Variants in SLC4A3 observed in about 807,000 individuals in gnomAD.
SLC4A3 encodes solute carrier family 4 member 3.
SLC4A3 carries 47 observed loss-of-function variants against 114.2 expected under a neutral mutation model. The observed-to-expected ratio is 0.41, with a 90% CI of 0.33 to 0.52. SLC4A3 has a LOEUF of 0.52. Ranked by LOEUF, SLC4A3 falls within the 20% of genes least tolerant of loss-of-function variation. SLC4A3 has a pLI of 0.21. For synonymous variants in SLC4A3, 693 were observed against 710.3 expected, an observed-to-expected ratio of 0.98 and a Z score of 0.39; for missense variants, 1,312 against 1,668.3, an observed-to-expected ratio of 0.79 and a Z score of 3.72.
Position 219,637,795 on chromosome 2 carries a change from G to A in SLC4A3, c.2750G>A (p.Arg917His), listed in dbSNP as rs1559204655. The A allele has an allele frequency of 3.1e-6, 5 of 1,613,018 alleles. No individual in the cohort carries two copies. Among genetic ancestry groups the A allele is most frequent in the Non-Finnish European group, 2.5e-6 (3 of 1,179,036 alleles). Residue 917 changes from arginine to histidine, a missense_variant, in exon 17 of 23, where the codon CGC becomes CAC. This residue lies in a region of SLC4A3 where 301 missense variants were observed against 460.7 expected (regional missense o/e 0.65). Coordinates refer to ENST00000358055, the MANE Select transcript of SLC4A3 (RefSeq NM_005070.4). This position sits in a 1 kb window ranked among gnomAD's most constrained non-coding sequence, Gnocchi z 4.6. ...TTCCTGCGCAAGTTCAGGAACAGCC[G>A]CTTCCTGGGGGGCAAGGTGCGTGGC... Reference protein sequence around the residue: ...AFFLRKFRNSRFLGGKARRII... With the variant: ...AFFLRKFRNSHFLGGKARRII...
At position 219,630,400 on chromosome 2, in the gene SLC4A3, C is replaced by G. The variant is rs1203401076; in HGVS notation, c.811+48C>G. 2 of 1,543,414 alleles carry G rather than the reference C, an allele frequency of 1.3e-6. No homozygotes were observed. Among genetic ancestry groups the G allele is most frequent in the African/African-American group, 1.4e-5 (1 of 73,712 alleles). On this transcript the variant is annotated intron_variant, in intron 6 of 22. Coordinates refer to ENST00000358055, the MANE Select transcript of SLC4A3 (RefSeq NM_005070.4). This position sits in a 1 kb window ranked among gnomAD's most constrained non-coding sequence, Gnocchi z 6.9. ...CCCCATGGTCCACTGCGACGGACTC[C>G]CAGCCTGCGAGTGACCTTGGAGAGG...
intron 10 of SLC4A3, 149 bp from the exon 11 acceptor site, chr2:219,633,730 TG>T: frequency 8.0e-7 from 1 of 1,249,046 alleles, no homozygotes; most frequent in Admixed American, 2.7e-5. Context: ...ACATCCCAGC[TG>T]GTGGCTCCCA....
rs1574643436 is a variant in SLC4A3, at chr2:219,628,848, T to G, written c.217+278T>G. 1.7e-6 allele frequency: 1 copy of G among 580,288 alleles called. No individual in the cohort carries two copies. Among genetic ancestry groups the G allele is most frequent in the Non-Finnish European group, 3.0e-6 (1 of 332,414 alleles). 35.9% of individuals were successfully genotyped at this position (580,288 alleles called of 1,614,324 possible). On this transcript the variant is annotated intron_variant, in intron 3 of 22. Coordinates refer to ENST00000358055, the MANE Select transcript of SLC4A3 (RefSeq NM_005070.4). The surrounding 1 kb of genome is among the most constrained non-coding windows in gnomAD (Gnocchi z 4.8). ...CCTTCCCCTTCCCCTTCGTCCCCAC[T>G]CACTCCCTCCTTGTCCCACCTCGGC...
chr2:219,638,015 C>A lies in SLC4A3; in HGVS notation c.2767-149C>A. 1.4e-6 allele frequency: 1 copy of A among 726,436 alleles called. No individual in the cohort carries two copies. The highest frequency in any genetic ancestry group is 2.4e-6 in the Non-Finnish European group (1 of 418,764). The allele number at this position is 726,436 out of a possible 1,614,324, so 45.0% of individuals were successfully genotyped here. A position where few individuals can be genotyped will look rare whatever the true frequency, so the allele number is the denominator to read the frequency against. On this transcript the variant is annotated intron_variant, in intron 17 of 22. Transcript: ENST00000358055. This position sits in a 1 kb window ranked among gnomAD's most constrained non-coding sequence, Gnocchi z 7.5. Reference sequence around the variant, plus strand: ...CTAATCAAGACAACAGCCTCCCAGGCTGCGCTGGCACCTGTGGGGTTGAGA... The same window carrying A: ...CTAATCAAGACAACAGCCTCCCAGGATGCGCTGGCACCTGTGGGGTTGAGA...
Position 219,629,263 on chromosome 2 carries a change from G to A in SLC4A3, c.337G>A (p.Glu113Lys). The change falls in exon 4 of 23, where the codon GAG becomes AAG. Residue 113 changes from glutamate (E) to lysine (K), a missense_variant. Glu to Lys is a moderately conservative substitution (Grantham distance 56). Transcript: ENST00000358055. ...ARHTRRKRKK[E>K]KTSAPPSEGT... is the part of the protein sequence containing the mutation. ...GCACACCAGGAGAAAGAGGAAGAAG[G>A]AGAAAACCTCTGCTCCTCCCTCCGA... 6.2e-7 allele frequency: 1 copy of A among 1,613,992 alleles called. No individual in the cohort carries two copies. Among genetic ancestry groups the A allele is most frequent in the Non-Finnish European group, 8.5e-7 (1 of 1,179,966 alleles).
chr2:219,638,080 C>A lies in SLC4A3; in HGVS notation c.2767-84C>A. On this transcript the variant is annotated intron_variant, in intron 17 of 22. Coordinates refer to ENST00000358055, the MANE Select transcript of SLC4A3 (RefSeq NM_005070.4). This position sits in a 1 kb window ranked among gnomAD's most constrained non-coding sequence, Gnocchi z 7.5. ...CTTCTGGCTCCAGCTTGGACCCAGG[C>A]AGGGCCAGAGATGGCAAGCCCCGTG... 8.6e-7 allele frequency: 1 copy of A among 1,159,988 alleles called. No individual in the cohort carries two copies. The allele number at this position is 1,159,988 out of a possible 1,614,324, so 71.9% of individuals were successfully genotyped here.
intron 11 of SLC4A3, 23 bp downstream of exon 11, chr2:219,634,002 G>A: frequency 6.5e-7 from 1 of 1,534,002 alleles, no homozygotes; most frequent in South Asian, 1.2e-5. Context: ...GGGCGCCGGG[G>A]GCAGGGTCTG....
At position 219,633,462 on chromosome 2, in the gene SLC4A3, G is replaced by T; in HGVS notation, c.1461+5G>T. 1 of 1,525,174 alleles carries T rather than the reference G, an allele frequency of 6.6e-7. No homozygotes were observed. Among genetic ancestry groups the T allele is most frequent in the Non-Finnish European group, 8.8e-7 (1 of 1,136,504 alleles). 94.5% of individuals were successfully genotyped at this position (1,525,174 alleles called of 1,614,324 possible). A position where few individuals can be genotyped will look rare whatever the true frequency, so the allele number is the denominator to read the frequency against. ...CATGACCCTGACGCCAAGGAGGTCA[G>T]TGCCCTTGCTTTGGCTTGGGCCAGG... On this transcript the variant is annotated splice_donor_5th_base_variant and intron_variant, in intron 10 of 22. Coordinates refer to ENST00000358055, the MANE Select transcript of SLC4A3 (RefSeq NM_005070.4).
rs1167535730 is a variant in SLC4A3 at position 219,641,962 on chromosome 2, T to C, written c.*234T>C. On this transcript the variant is annotated 3_prime_UTR_variant, in exon 23 of 23. Transcript: ENST00000358055. This position sits in a 1 kb window ranked among gnomAD's most constrained non-coding sequence, Gnocchi z 4.0. ...TTTGAGCTCATTATAACCACACTCC[T>C]TGTCTCGTGTCTGCCTCACTTTCTT... The C allele has an allele frequency of 4.5e-6, 2 of 447,248 alleles. No individual in the cohort carries two copies. Among genetic ancestry groups the C allele is most frequent in the South Asian group, 5.0e-5 (1 of 20,200 alleles). 27.7% of individuals were successfully genotyped at this position (447,248 alleles called of 1,614,324 possible).
Position 219,637,549 on chromosome 2 carries a change from A to G in SLC4A3, c.2536-32A>G. On this transcript the variant is annotated intron_variant, in intron 16 of 22. Transcript: ENST00000358055. This position sits in a 1 kb window ranked among gnomAD's most constrained non-coding sequence, Gnocchi z 4.6. ...ATGAAGTCAGGTCACCTGCCAGGTG[A>G]GTGACAAGGCATCCTTGTTATCCAC... The G allele has an allele frequency of 8.1e-7, 1 of 1,230,398 alleles. No individual in the cohort carries two copies. The highest frequency in any genetic ancestry group is 1.2e-6 in the Non-Finnish European group (1 of 862,356). 76.2% of individuals were successfully genotyped at this position (1,230,398 alleles called of 1,614,324 possible).
rs56140088 is a variant in SLC4A3, at chr2:219,633,523, C to T, written c.1461+66C>T. On this transcript the variant is annotated intron_variant, in intron 10 of 22. Coordinates refer to ENST00000358055, the MANE Select transcript of SLC4A3 (RefSeq NM_005070.4). ...GGTGTCCAGTTTCAGTCGAGGTCAT[C>T]GACGACTTCACTGAGTGGGTTGGGA... 2.6e-3 allele frequency: 3,499 copies of T among 1,366,702 alleles called. 11 individuals carry two copies. Among genetic ancestry groups the T allele is most frequent in the Non-Finnish European group, 3.3e-3 (3,336 of 1,023,996 alleles). The allele number at this position is 1,366,702 out of a possible 1,614,324, so 84.7% of individuals were successfully genotyped here.
At chr2:219,635,563 C>T in intron 13 of SLC4A3, 67 bp downstream of exon 13, 1 of 1,493,210 alleles carries the variant, frequency 6.7e-7, no homozygotes, top group South Asian at 1.2e-5. Context: ...AAGGCTGTGA[C>T]CCCAGCCCCG....
chr2:219,627,781 G>C (rs1157318844), intron 1 of SLC4A3, 36 bp downstream of exon 1: 13 of 396,910 alleles, frequency 3.3e-5, no homozygotes, highest in Non-Finnish European at 4.9e-5. Flanking sequence ...CAGGGCGGGG[G>C]ACCCGGGCTG....
In SLC4A3 at chr2:219,639,462, T is replaced by C; in HGVS notation, c.3024-20T>C. 1 of 1,607,152 alleles carries C rather than the reference T, an allele frequency of 6.2e-7. No individual in the cohort carries two copies. On this transcript the variant is annotated intron_variant, in intron 19 of 22. Transcript: ENST00000358055. The surrounding 1 kb of genome is among the most constrained non-coding windows in gnomAD (Gnocchi z 5.9). The stretch of plus-strand genomic sequence containing the variant: ...CCCTGCCAGGCCAGCCACACCCCGC[T>C]CCCCACCTTCTCCCTGCAGGCTTAT...
At chr2:219,633,814 G>A (rs1390844880) in intron 10 of SLC4A3, 66 bp from the exon 11 acceptor site, 4 of 1,547,726 alleles carry the variant, frequency 2.6e-6, no homozygotes, top group Non-Finnish European at 2.6e-6. Context: ...GCTGGAGCCA[G>A]GGCTGGGAGG....
Position 219,628,741 on chromosome 2 carries a change from C to T in SLC4A3, c.217+171C>T. The T allele has an allele frequency of 1.4e-6, 1 of 732,268 alleles. No individual in the cohort carries two copies. The highest frequency in any genetic ancestry group is 1.8e-5 in the African/African-American group (1 of 56,244). The allele number at this position is 732,268 out of a possible 1,614,324, so 45.4% of individuals were successfully genotyped here. The stretch of plus-strand genomic sequence containing the variant: ...GTTCAGTCATCCTGCCTCCCCCACC[C>T]ATCGCCTGTCCGCCTGCCTGGGGAG... On this transcript the variant is annotated intron_variant, in intron 3 of 22. Transcript: ENST00000358055. This position sits in a 1 kb window ranked among gnomAD's most constrained non-coding sequence, Gnocchi z 4.8.
chr2:219,635,922 G>T, intron 14 of SLC4A3, 31 bp downstream of exon 14: 1 of 1,445,652 alleles, frequency 6.9e-7, no homozygotes, highest in African/African-American at 1.4e-5. Context: ...GAGTTGAGGG[G>T]CTCCTCTAGT....
At chr2:219,640,374 G>A in intron 20 of SLC4A3, 56 bp from the exon 21 acceptor site, 1 of 1,562,818 alleles carries the variant, frequency 6.4e-7, no homozygotes, top group Non-Finnish European at 8.7e-7. Flanking sequence ...TTCCAGGCCT[G>A]TCCATCCTCA....
At position 219,641,853 on chromosome 2, in the gene SLC4A3, G is replaced by A. The variant is rs1699336874; in HGVS notation, c.*125G>A. The A allele has an allele frequency of 4.1e-6, 3 of 739,256 alleles. No homozygotes were observed. The South Asian group carries it at 5.1e-5, about 13-fold the overall frequency. The allele number at this position is 739,256 out of a possible 1,614,324, so 45.8% of individuals were successfully genotyped here. ...CAGAGATGTGCCTGGAACCACTCCT[G>A]ATGCCATGGCTAGAGTGGCCCCCCT... is the stretch of plus-strand genomic sequence containing the variant. On this transcript the variant is annotated 3_prime_UTR_variant, in exon 23 of 23. Coordinates refer to ENST00000358055, the MANE Select transcript of SLC4A3 (RefSeq NM_005070.4). The surrounding 1 kb of genome is among the most constrained non-coding windows in gnomAD (Gnocchi z 4.0).
Sources: allele counts gnomAD v4.1 joint callset, GRCh38; gene constraint gnomAD v4.1.1; regional missense constraint gnomAD v4.1.1; non-coding constraint Gnocchi (gnomAD v3.1); transcripts MANE v1.5; gene names NCBI Gene and HGNC (gene_info 2026-07-23, HGNC 2026-07-21).